Variants in RBFOX1 observed in about 807,000 individuals in gnomAD.
RBFOX1 encodes the protein RNA binding protein fox-1 homolog 1.
RBFOX1 carries 8 observed loss-of-function variants against 57.7 expected under a neutral mutation model. The observed-to-expected ratio is 0.14, with a 90% CI of 0.08 to 0.25. The LOEUF (loss-of-function observed/expected upper bound fraction) is 0.25, where lower values mean the gene tolerates loss of function less well. Ranked by LOEUF, RBFOX1 falls within the 10% of genes least tolerant of loss-of-function variation. RBFOX1 has a pLI of 1.00. For missense variants in RBFOX1, 611 were observed against 548.5 expected (o/e 1.11, Z -1.14); for synonymous variants, 326 against 222.4 (o/e 1.47, Z -4.15).
At chr16:6,861,205 GTTACCGC>G (rs1353473564) in intron 3 of RBFOX1, among the ~76,000 whole-genome samples, 3 of 152,174 alleles carry the variant, frequency 2.0e-5, no homozygotes, top group Non-Finnish European at 2.9e-5. Context: ...AACAGCTACA[GTTACCGC>G]TGTGTCTGTG....
At chr16:7,061,930 G>C (rs573188428) in intron 4 of RBFOX1, among the ~76,000 whole-genome samples, 13 of 152,182 alleles carry the variant, frequency 8.5e-5, no homozygotes, top group Admixed American at 7.9e-4. Context: ...CCTCCAGTTG[G>C]GGGTAGGAAG....
intron 4 of RBFOX1, among the ~76,000 whole-genome samples, chr16:6,000,818 T>TGAG (rs1345590154): frequency 8.8e-6 from 1 of 113,568 alleles, no homozygotes; most frequent in East Asian, 3.1e-4. Flanking sequence ...GGTGGATGAG[T>TGAG]TGGTGGGTGG....
intron 2 of RBFOX1, among the ~76,000 whole-genome samples, chr16:6,566,657 T>C (rs1418976103): frequency 6.6e-6 from 1 of 152,172 alleles, no homozygotes; most frequent in Admixed American, 6.5e-5. Context: ...TTACGCACAC[T>C]CCTCAAGTCT....
intron 3 of RBFOX1, among the ~76,000 whole-genome samples, chr16:6,865,236 C>G (rs555761053): frequency 6.6e-6 from 1 of 151,946 alleles, no homozygotes; most frequent in Non-Finnish European, 1.5e-5. Context: ...CTCCTGACCT[C>G]AGGTGATCCA....
intron 4 of RBFOX1, among the ~76,000 whole-genome samples, chr16:6,002,596 G>C (rs912420881): frequency 5.9e-5 from 9 of 152,170 alleles, no homozygotes; most frequent in African/African-American, 2.2e-4. Context: ...CCATAATTGA[G>C]AGAAGAGAAT....
chr16:6,010,576 C>T (rs548080480), intron 4 of RBFOX1, among the ~76,000 whole-genome samples: 1 of 152,302 alleles, frequency 6.6e-6, no homozygotes, highest in South Asian at 2.1e-4. Context: ...TCATGGTCGA[C>T]TTCTGGAGGA....
chr16:7,246,512 C>T (rs556373320), intron 4 of RBFOX1, among the ~76,000 whole-genome samples: 6 of 152,144 alleles, frequency 3.9e-5, no homozygotes, highest in Non-Finnish European at 7.3e-5. Context: ...TCCAGTCTCT[C>T]CCTTATAACT....
Position 7,439,747 on chromosome 16 carries a change from C to T in RBFOX1, c.28-78400C>T, listed in dbSNP as rs2098751192. Among the ~76,000 whole-genome samples the T allele has an allele frequency of 2.0e-5, 3 of 152,122 alleles. No homozygotes were observed. In the South Asian group the frequency reaches 6.2e-4, roughly 31 times the overall value. On this transcript the variant is annotated intron_variant, in intron 4 of 15. Coordinates refer to ENST00000550418, the MANE Select transcript of RBFOX1 (RefSeq NM_018723.4). ...CTAATGGATGTGTCTTTTCCTCATG[C>T]ATATTCTTTCCTGAGCATCTACCGC...
At chr16:6,733,414 C>T (rs1266688845) in intron 3 of RBFOX1, among the ~76,000 whole-genome samples, 2 of 152,184 alleles carry the variant, frequency 1.3e-5, no homozygotes, top group African/African-American at 4.8e-5. Context: ...GTCAGCTGAA[C>T]CCACTCAGTC....
chr16:6,498,847 A>G (rs1242605309), intron 2 of RBFOX1, among the ~76,000 whole-genome samples: 1 of 152,210 alleles, frequency 6.6e-6, no homozygotes, highest in East Asian at 1.9e-4. Context: ...TATGCATGGT[A>G]AAAGCCATGG....
rs540964032 is a variant in RBFOX1, at chr16:7,040,186, G to C, written c.-15-11871G>C. Among the ~76,000 whole-genome samples, 108 of 151,906 alleles carry C rather than the reference G, an allele frequency of 7.1e-4. 3 individuals carry two copies. In the South Asian group the frequency reaches 0.018, roughly 26 times the overall value. ...CAGGTGCCCGCCACCATGCTAGCTA[G>C]TTTTCTGTATTTTTAGTAGAGACGG... On this transcript the variant is annotated intron_variant, in intron 3 of 15. Transcript: ENST00000550418.
chr16:6,137,896 C>T (rs1226465202), intron 1 of RBFOX1, among the ~76,000 whole-genome samples: 2 of 152,156 alleles, frequency 1.3e-5, no homozygotes, highest in Admixed American at 6.5e-5. Flanking sequence ...AGACATGAAC[C>T]CGTACACCAG....
At chr16:7,202,092 G>A (rs576356262) in intron 4 of RBFOX1, among the ~76,000 whole-genome samples, 1 of 151,970 alleles carries the variant, frequency 6.6e-6, no homozygotes, top group Non-Finnish European at 1.5e-5. Context: ...AATCAATATG[G>A]GTTACTCAAC....
intron 11 of RBFOX1, among the ~76,000 whole-genome samples, chr16:7,637,319 G>T (rs1207807600): frequency 6.6e-6 from 1 of 151,864 alleles, no homozygotes; most frequent in African/African-American, 2.4e-5. Flanking sequence ...CAAATGCTTG[G>T]GAACCTGAAT....
intron 4 of RBFOX1, among the ~76,000 whole-genome samples, chr16:5,953,327 A>G (rs1033725101): frequency 6.6e-6 from 1 of 152,168 alleles, no homozygotes; most frequent in African/African-American, 2.4e-5. Flanking sequence ...GCATACTTTT[A>G]AAAAAATTAT....
chr16:7,212,331 T>A (rs1357571540), intron 4 of RBFOX1, among the ~76,000 whole-genome samples: 1 of 152,156 alleles, frequency 6.6e-6, no homozygotes, highest in African/African-American at 2.4e-5. Flanking sequence ...TTCCCTACCC[T>A]CAGGAAAGTA....
chr16:7,532,327 G>A (rs1050191212), intron 5 of RBFOX1, among the ~76,000 whole-genome samples: 2 of 152,094 alleles, frequency 1.3e-5, no homozygotes, highest in East Asian at 3.9e-4. Flanking sequence ...GACAACAGTG[G>A]GTGGCGCCAG....
chr16:6,953,229 C>G (rs2081120160), intron 3 of RBFOX1, among the ~76,000 whole-genome samples: 1 of 152,076 alleles, frequency 6.6e-6, no homozygotes, highest in Non-Finnish European at 1.5e-5. Context: ...GACCTGTTAC[C>G]TATGGTACTC....
chr16:6,808,275 C>T (rs927249526), intron 3 of RBFOX1, among the ~76,000 whole-genome samples: 2 of 151,250 alleles, frequency 1.3e-5, no homozygotes, highest in African/African-American at 2.4e-5. Context: ...TTTGGAATTA[C>T]CTCTTATCTT....
Sources: allele counts gnomAD v4.1 joint callset (sites outside exome capture counted in the v4.1 genomes callset), GRCh38; gene constraint gnomAD v4.1.1; transcripts MANE v1.5; gene names NCBI Gene and HGNC (gene_info 2026-07-23, HGNC 2026-07-21).